The following NPEPL1 variants were observed in gnomAD, a reference collection of about 807,000 sequenced individuals.
NPEPL1 encodes aminopeptidase like 1.
Under a neutral mutation model 52.4 loss-of-function variants are expected in NPEPL1, and 45 were observed. The observed-to-expected ratio is 0.86, with a 90% CI of 0.68 to 1.10. NPEPL1 has a LOEUF of 1.10. Ranked by LOEUF, NPEPL1 falls within the 50% of genes least tolerant of loss-of-function variation. The pLI is 0.00. For synonymous variants in NPEPL1, 360 were observed against 314.7 expected, an observed-to-expected ratio of 1.14 and a Z score of -1.52; for missense variants, 696 against 710.9, an observed-to-expected ratio of 0.98 and a Z score of 0.24.
chr20:58,692,094 G>T (rs1430731167), upstream of NPEPL1: 1 of 488,502 alleles, frequency 2.0e-6, no homozygotes, highest in Non-Finnish European at 3.6e-6. This position sits in a 1 kb window ranked among gnomAD's most constrained non-coding sequence, Gnocchi z 5.7. Flanking sequence ...GACTGTGCCA[G>T]ATGACCCTTC....
chr20:58,693,890 T>C lies in NPEPL1; in HGVS notation c.304T>C (p.Cys102Arg). Reference sequence around the variant, plus strand: ...CTTCATCACGCGGCTGGTGCGGACCTGCCTGCCGCCCGGAGCGCATCGCTG... The same window carrying C: ...CTTCATCACGCGGCTGGTGCGGACCCGCCTGCCGCCCGGAGCGCATCGCTG... ...AHFITRLVRT[C>R]LPPGAHRCIV... is the part of the protein sequence containing the mutation. The change falls in exon 2 of 12, where the codon TGC becomes CGC. Residue 102 changes from cysteine to arginine, a missense_variant. By Grantham distance (180) the Cys-to-Arg change is radical. Transcript: ENST00000356091. The C allele has an allele frequency of 6.2e-7, 1 of 1,611,758 alleles. No homozygotes were observed. The highest frequency in any genetic ancestry group is 8.5e-7 in the Non-Finnish European group (1 of 1,178,804).
intron 6 of NPEPL1, chr20:58,704,405 C>T (rs2084698261): frequency 8.1e-6 from 8 of 981,918 alleles, no homozygotes; most frequent in South Asian, 4.7e-5. Flanking sequence ...AAGTACCGAC[C>T]CCAAAGAGGC....
At chr20:58,712,202 C>T (rs1334966583) in intron 7 of NPEPL1, among the ~76,000 whole-genome samples, 1 of 152,160 alleles carries the variant, frequency 6.6e-6, no homozygotes, top group African/African-American at 2.4e-5. Context: ...CCAGCCCATG[C>T]AGTCCAAGAG....
chr20:58,705,672 T>C lies in NPEPL1; in HGVS notation c.823-1451T>C, dbSNP rs554266062. The C allele has an allele frequency of 6.6e-4, 276 of 421,022 alleles. 3 individuals carry two copies. The highest frequency in any genetic ancestry group is 1.1e-3 in the Non-Finnish European group (234 of 205,608). The allele number at this position is 421,022 out of a possible 1,614,324, so 26.1% of individuals were successfully genotyped here. Reference sequence around the variant, plus strand: ...CAACATATGGGGGCTGGTGAAACTTTGCACAATCAATCAGTTGAGCTGTAT... The same window carrying C: ...CAACATATGGGGGCTGGTGAAACTTCGCACAATCAATCAGTTGAGCTGTAT... On this transcript the variant is annotated intron_variant, in intron 6 of 11. Transcript: ENST00000356091.
rs2084937368 is a variant in NPEPL1, at chr20:58,715,748, GC to G, written c.*423del. On this transcript the variant is annotated 3_prime_UTR_variant, in exon 12 of 12. Transcript: ENST00000356091. ...GCCCTGTGAAAGATGGAGCTGACTTGCTGCAGGGGACCTGATTTATAGGGCA... is the reference window on the plus strand; with the variant it reads ...GCCCTGTGAAAGATGGAGCTGACTTGTGCAGGGGACCTGATTTATAGGGCA... 2 of 158,232 alleles carry G rather than the reference GC, an allele frequency of 1.3e-5. No homozygotes were observed. Among genetic ancestry groups the G allele is most frequent in the Non-Finnish European group, 2.8e-5 (2 of 72,336 alleles). The allele number at this position is 158,232 out of a possible 1,614,324, so 9.8% of individuals were successfully genotyped here.
Position 58,707,046 on chromosome 20 carries a change from TG to T in NPEPL1, c.823-72del, listed in dbSNP as rs2084748837. ...AAGGTGGGGCTAGCGTGGGGCCGGG[TG>T]GGGGTGGGGGGCTTCCGCTGCCAGG... On this transcript the variant is annotated intron_variant, in intron 6 of 11. Transcript: ENST00000356091. 4 of 1,110,010 alleles carry T rather than the reference TG, an allele frequency of 3.6e-6. No individual in the cohort carries two copies. The African/African-American group carries it at 6.4e-5, about 18-fold the overall frequency. 68.8% of individuals were successfully genotyped at this position (1,110,010 alleles called of 1,614,324 possible). A position where few individuals can be genotyped will look rare whatever the true frequency, so the allele number is the denominator to read the frequency against.
rs868443279 is a variant in NPEPL1 at position 58,714,071 on chromosome 20, C to T, written c.1280C>T (p.Ala427Val). Residue 427 changes from alanine (A) to valine (V), a missense_variant, in exon 10 of 12, where the codon GCG (alanine) becomes GTG (valine). Ala to Val is a moderately conservative substitution (Grantham distance 64). Transcript: ENST00000356091. ...LHFSEFTSAVADMKNSVADRD... is the reference protein window; with the variant it reads ...LHFSEFTSAVVDMKNSVADRD... ...TTCAGCGAGTTCACCTCAGCTGTGG[C>T]GGACATGAAGAACTCAGTGGCGGTA... 8.4e-6 allele frequency: 13 copies of T among 1,549,160 alleles called. No individual in the cohort carries two copies. Among genetic ancestry groups the T allele is most frequent in the East Asian group, 2.5e-5 (1 of 40,790 alleles).
intron 2 of NPEPL1, 96 bp from the exon 3 acceptor site, chr20:58,694,326 A>G: frequency 7.8e-7 from 1 of 1,287,556 alleles, no homozygotes; most frequent in Admixed American, 2.4e-5. Flanking sequence ...GTCACCTGCC[A>G]GGGAGCTGAT....
At chr20:58,708,049 A>G (rs2084770688) in intron 7 of NPEPL1, among the ~76,000 whole-genome samples, 2 of 150,648 alleles carry the variant, frequency 1.3e-5, no homozygotes, top group Non-Finnish European at 2.9e-5. Context: ...CCACTGCTGC[A>G]CTGCAGCCTG....
chr20:58,694,696 G>T, intron 3 of NPEPL1, 104 bp downstream of exon 3: 1 of 1,201,984 alleles, frequency 8.3e-7, no homozygotes, highest in South Asian at 1.6e-5. Context: ...GCAGGAGGGG[G>T]TTCCTGCCCT....
At chr20:58,695,673 GCT>G (rs1393555253) in intron 3 of NPEPL1, among the ~76,000 whole-genome samples, 3 of 152,178 alleles carry the variant, frequency 2.0e-5, no homozygotes, top group African/African-American at 7.2e-5. Context: ...TTCACTGTGT[GCT>G]CTCTGAGGCC....
In NPEPL1 at chr20:58,692,926, A is replaced by T; in HGVS notation, c.26A>T (p.Gln9Leu). The T allele has an allele frequency of 8.9e-7, 1 of 1,122,574 alleles. No homozygotes were observed. The highest frequency in any genetic ancestry group is 1.7e-5 in the African/African-American group (1 of 59,616). The allele number at this position is 1,122,574 out of a possible 1,614,324, so 69.5% of individuals were successfully genotyped here. A position where few individuals can be genotyped will look rare whatever the true frequency, so the allele number is the denominator to read the frequency against. Reference protein sequence around the residue: MANVGLQFQASAGDSDPQS... With the variant: MANVGLQFLASAGDSDPQS... ...ATGGCGAACGTGGGGCTGCAGTTCC[A>T]GGCGAGCGCGGGGGACTCGGACCCA... The change falls in exon 1 of 12, where the codon CAG (glutamine) becomes CTG (leucine). Residue 9 changes from glutamine to leucine, a missense_variant. Gln to Leu is a moderately radical substitution (Grantham distance 113, BLOSUM62 -2). Coordinates refer to ENST00000356091, the MANE Select transcript of NPEPL1 (RefSeq NM_024663.4). This position sits in a 1 kb window ranked among gnomAD's most constrained non-coding sequence, Gnocchi z 5.7.
upstream of NPEPL1, among the ~76,000 whole-genome samples, chr20:58,689,804 T>C (rs2084317191): frequency 6.8e-6 from 1 of 146,704 alleles, no homozygotes; most frequent in South Asian, 2.1e-4. Context: ...CACACACACA[T>C]ATGCGTGCAC....
At chr20:58,698,837 G>C in intron 4 of NPEPL1, 64 bp downstream of exon 4, 1 of 1,396,208 alleles carries the variant, frequency 7.2e-7, no homozygotes, top group South Asian at 1.2e-5. Context: ...ACTCCCAGGA[G>C]AGCCAGAGGA....
In NPEPL1 at chr20:58,692,955, A is replaced by G; in HGVS notation, c.55A>G (p.Ser19Gly). Residue 19 changes from serine (S) to glycine (G), a missense_variant, in exon 1 of 12, where the codon AGC becomes GGC. Ser to Gly is a moderately conservative substitution (Grantham distance 56). Transcript: ENST00000356091. This position sits in a 1 kb window ranked among gnomAD's most constrained non-coding sequence, Gnocchi z 5.7. ...GAGCGCGGGGGACTCGGACCCACAGAGCCGGCCCCTGCTGCTGCTCGGGCA... is the reference window on the plus strand; with the variant it reads ...GAGCGCGGGGGACTCGGACCCACAGGGCCGGCCCCTGCTGCTGCTCGGGCA... Reference protein sequence around the residue: ...QASAGDSDPQSRPLLLLGQLH... With the variant: ...QASAGDSDPQGRPLLLLGQLH... 1.7e-6 allele frequency: 2 copies of G among 1,185,284 alleles called. No individual in the cohort carries two copies. The highest frequency in any genetic ancestry group is 2.1e-6 in the Non-Finnish European group (2 of 939,738). 73.4% of individuals were successfully genotyped at this position (1,185,284 alleles called of 1,614,324 possible). A position where few individuals can be genotyped will look rare whatever the true frequency, so the allele number is the denominator to read the frequency against.
intron 6 of NPEPL1, among the ~76,000 whole-genome samples, chr20:58,705,006 A>G (rs1036123964): frequency 4.6e-5 from 7 of 152,204 alleles, no homozygotes; most frequent in African/African-American, 9.6e-5. Context: ...TTGACACATT[A>G]CATTATATAG....
At chr20:58,702,966 G>A (rs77212705) in intron 6 of NPEPL1, among the ~76,000 whole-genome samples, 16,226 of 152,234 alleles carry the variant, frequency 0.11, 1,140 homozygotes, top group Admixed American at 0.2. Context: ...AACTCCAAGT[G>A]TTCACATGGA....
chr20:58,694,286 G>T, intron 2 of NPEPL1, 136 bp from the exon 3 acceptor site: 3 of 854,162 alleles, frequency 3.5e-6, no homozygotes, highest in Non-Finnish European at 5.3e-6. Context: ...GGATGGGGTG[G>T]CGGCTGCTGT....
At chr20:58,712,919 C>T (rs1412768859) in intron 8 of NPEPL1, 2 of 403,200 alleles carry the variant, frequency 5.0e-6, no homozygotes, top group Non-Finnish European at 9.5e-6. Context: ...TGCTCGGGGA[C>T]ACCTCCTGCA....
Sources: allele counts gnomAD v4.1 joint callset (sites outside exome capture counted in the v4.1 genomes callset), GRCh38; gene constraint gnomAD v4.1.1; non-coding constraint Gnocchi (gnomAD v3.1); transcripts MANE v1.5; gene names NCBI Gene and HGNC (gene_info 2026-07-23, HGNC 2026-07-21).